FOXP1: variants seen among roughly 807,000 people sequenced by gnomAD.
The protein encoded by FOXP1 is forkhead box protein P1.
Under a neutral mutation model 98.2 loss-of-function variants are expected in FOXP1, and 15 were observed. The ratio of observed to expected loss-of-function variants is 0.15; its 90% CI spans 0.10 to 0.24. FOXP1 has a LOEUF of 0.24. Among genes scored for constraint, FOXP1 ranks in the 10% least tolerant of loss-of-function variants. FOXP1 has a pLI of 1.00. For synonymous variants in FOXP1, 371 were observed against 314.5 expected (o/e 1.18, Z -1.90); for missense variants, 633 against 848.5 (o/e 0.75, Z 3.15).
At chr3:71,112,886 C>T (rs1336666487) in intron 6 of FOXP1, among the ~76,000 whole-genome samples, 2 of 152,112 alleles carry the variant, frequency 1.3e-5, no homozygotes, top group Non-Finnish European at 2.9e-5. Flanking sequence ...TTTATTCCTA[C>T]TAAAGATCTG....
At chr3:71,502,358 C>T (rs991717056) in intron 2 of FOXP1, among the ~76,000 whole-genome samples, 1 of 152,094 alleles carries the variant, frequency 6.6e-6, no homozygotes, top group Non-Finnish European at 1.5e-5. Context: ...CTTTATAAGG[C>T]TTTTGTGGTA....
intron 2 of FOXP1, among the ~76,000 whole-genome samples, chr3:71,546,440 T>C (rs1224109815): frequency 6.6e-6 from 1 of 152,174 alleles, no homozygotes; most frequent in Non-Finnish European, 1.5e-5. Flanking sequence ...AAGTTACAAA[T>C]TCCATGTGGT....
chr3:71,014,223 C>T (rs976955520), intron 12 of FOXP1, among the ~76,000 whole-genome samples: 2 of 152,134 alleles, frequency 1.3e-5, no homozygotes, highest in African/African-American at 4.8e-5. Context: ...AGGCAACCTA[C>T]AGAATGGGAG....
intron 6 of FOXP1, among the ~76,000 whole-genome samples, chr3:71,153,735 T>C (rs757526663): frequency 1.3e-5 from 2 of 152,138 alleles, no homozygotes; most frequent in South Asian, 4.1e-4. Context: ...AGCTCCACTC[T>C]GATCAAAGGG....
chr3:71,122,213 C>A (rs1038577081), intron 6 of FOXP1, among the ~76,000 whole-genome samples: 7 of 152,254 alleles, frequency 4.6e-5, no homozygotes, highest in African/African-American at 1.4e-4. Context: ...CCCTAAGAGG[C>A]AATTAACACC....
At chr3:71,275,740 C>T (rs946638546) in intron 5 of FOXP1, among the ~76,000 whole-genome samples, 2 of 152,272 alleles carry the variant, frequency 1.3e-5, no homozygotes, top group South Asian at 2.1e-4. Context: ...TCTGGGCATG[C>T]GCCGTATTAT....
intron 17 of FOXP1, among the ~76,000 whole-genome samples, chr3:70,973,728 T>G (rs1343347074): frequency 1.3e-5 from 2 of 151,756 alleles, no homozygotes; most frequent in Non-Finnish European, 2.9e-5. Flanking sequence ...GATGACTCAA[T>G]AGTAGGTGAC....
chr3:70,966,124 G>A (rs2034714194), intron 19 of FOXP1, 68 bp from the exon 20 acceptor site: 1 of 1,276,888 alleles, frequency 7.8e-7, no homozygotes, highest in South Asian at 1.2e-5. Flanking sequence ...ACTAATTATG[G>A]GTGTACTCGA....
chr3:71,275,427 C>A (rs935492303), intron 5 of FOXP1, among the ~76,000 whole-genome samples: 1 of 152,204 alleles, frequency 6.6e-6, no homozygotes, highest in Admixed American at 6.5e-5. Flanking sequence ...AGTCGCTTTT[C>A]CTTACTGCAT....
chr3:71,388,451 G>A (rs887334475), intron 3 of FOXP1, among the ~76,000 whole-genome samples: 12 of 152,164 alleles, frequency 7.9e-5, no homozygotes, highest in Middle Eastern at 3.4e-3. Context: ...AAATCTACCC[G>A]AACATGCATT....
At chr3:71,361,524 T>G (rs2078569017) in intron 3 of FOXP1, among the ~76,000 whole-genome samples, 1 of 152,242 alleles carries the variant, frequency 6.6e-6, no homozygotes, top group Non-Finnish European at 1.5e-5. Flanking sequence ...GTTAATAATT[T>G]GCTCACACTC....
chr3:71,331,111 T>A (rs1217439042), intron 4 of FOXP1, among the ~76,000 whole-genome samples: 8 of 152,156 alleles, frequency 5.3e-5, no homozygotes, highest in Admixed American at 5.2e-4. Context: ...GACGGCTCCC[T>A]CAGCTTGTGG....
intron 6 of FOXP1, among the ~76,000 whole-genome samples, chr3:71,116,251 A>G (rs144677211): frequency 6.6e-6 from 1 of 152,294 alleles, no homozygotes; most frequent in African/African-American, 2.4e-5. Flanking sequence ...AACATAGGGT[A>G]CATGAACTTA....
At chr3:71,306,848 A>G (rs931971458) in intron 4 of FOXP1, among the ~76,000 whole-genome samples, 1 of 152,170 alleles carries the variant, frequency 6.6e-6, no homozygotes, top group African/African-American at 2.4e-5. Context: ...CAATTAAATA[A>G]CATAATTACA....
intron 6 of FOXP1, among the ~76,000 whole-genome samples, chr3:71,133,369 T>C (rs1436537428): frequency 2.0e-5 from 3 of 152,164 alleles, no homozygotes; most frequent in Non-Finnish European, 4.4e-5. Flanking sequence ...AAAAGAGAAA[T>C]TGTCTGCTCA....
At chr3:71,295,368 T>C (rs2073178764) in intron 5 of FOXP1, among the ~76,000 whole-genome samples, 1 of 152,214 alleles carries the variant, frequency 6.6e-6, no homozygotes, top group African/African-American at 2.4e-5. Flanking sequence ...AATAACTGAA[T>C]AGCATTTTAG....
In FOXP1 at chr3:71,000,340, C is replaced by A. The variant is rs140158436; in HGVS notation, c.1062+632G>T. 3.9e-3 allele frequency among the ~76,000 whole-genome samples: 595 copies of A among 151,246 alleles called. 6 individuals carry two copies. Among genetic ancestry groups the A allele is most frequent in the African/African-American group, 0.014 (575 of 41,188 alleles). On this transcript the variant is annotated intron_variant, in intron 13 of 20. Transcript: ENST00000649528. ...ATATATACACTCTACATTAATATAT[C>A]TGATTATGTGCATGTGTGTTTAAGA...
chr3:71,344,509 G>A (rs989308759), intron 4 of FOXP1, among the ~76,000 whole-genome samples: 3 of 152,062 alleles, frequency 2.0e-5, no homozygotes, highest in African/African-American at 7.2e-5. Context: ...TTTAATACCC[G>A]GATTTCTCTT....
intron 6 of FOXP1, among the ~76,000 whole-genome samples, chr3:71,192,557 A>G (rs554943338): frequency 6.6e-6 from 1 of 152,372 alleles, no homozygotes; most frequent in East Asian, 1.9e-4. Context: ...TCTTCTACTC[A>G]ATGTCCACCA....
Sources: allele counts gnomAD v4.1 joint callset (sites outside exome capture counted in the v4.1 genomes callset), GRCh38; gene constraint gnomAD v4.1.1; transcripts MANE v1.5; gene names NCBI Gene and HGNC (gene_info 2026-07-23, HGNC 2026-07-21).